ZNF354B: variants seen among roughly 807,000 people sequenced by gnomAD.
ZNF354B encodes the protein zinc finger protein 354B.
In ZNF354B, 10 loss-of-function variants were observed where a neutral mutation model predicts 12.9. The ratio of observed to expected loss-of-function variants is 0.77; its 90% CI spans 0.48 to 1.31. ZNF354B has a LOEUF of 1.31. ZNF354B is among the 40% of genes most tolerant of loss of function. ZNF354B has a pLI of 0.00. For missense variants in ZNF354B, 614 were observed against 711.7 expected, an observed-to-expected ratio of 0.86 and a Z score of 1.56; for synonymous variants, 260 against 243.7, an observed-to-expected ratio of 1.07 and a Z score of -0.62.
At chr5:178,869,502 T>C (rs1185092328) in intron 4 of ZNF354B, among the ~76,000 whole-genome samples, 2 of 152,058 alleles carry the variant, frequency 1.3e-5, no homozygotes, top group African/African-American at 4.8e-5. Flanking sequence ...CTGGCCATTA[T>C]GTGTGGGCCG....
rs751422049 is a variant in ZNF354B, at chr5:178,866,363, C to T, written c.153C>T (p.Val51=). ...DVMLENYRNL[V]SLGLSFTKPK... ...TGCTGGAGAACTATAGGAACCTGGT[C>T]TCACTGGGTAAGGAAATTTCCCCTC... Residue 51 remains valine, a synonymous_variant, in exon 3 of 5, where the codon GTC becomes GTT. Coordinates refer to ENST00000322434, the MANE Select transcript of ZNF354B (RefSeq NM_058230.3). 6 of 1,612,648 alleles carry T rather than the reference C, an allele frequency of 3.7e-6. No individual in the cohort carries two copies.
chr5:178,867,350 A>G (rs1459438969), intron 4 of ZNF354B, among the ~76,000 whole-genome samples: 2 of 152,236 alleles, frequency 1.3e-5, no homozygotes, highest in African/African-American at 2.4e-5. Context: ...AGGAACTTCA[A>G]ATAATCACTC....
rs372735406 is a variant in ZNF354B at position 178,866,926 on chromosome 5, G to C, written c.161-50G>C. 49 of 1,559,094 alleles carry C rather than the reference G, an allele frequency of 3.1e-5. 2 individuals carry two copies. The highest frequency in any genetic ancestry group is 3.3e-4 in the Middle Eastern group (2 of 5,974). On this transcript the variant is annotated intron_variant, in intron 3 of 4. Transcript: ENST00000322434. ...CCTAATAATCAAGGGATACTTTGTT[G>C]TGTCAAAACGAAGACTGAGACTTTT...
At chr5:178,865,109 G>T (rs115622094) in intron 2 of ZNF354B, among the ~76,000 whole-genome samples, 1 of 152,106 alleles carries the variant, frequency 6.6e-6, no homozygotes, top group Non-Finnish European at 1.5e-5. Flanking sequence ...ATGTGAGCCC[G>T]ATATGGTTTT....
At chr5:178,861,605 C>T (rs1757349201) in intron 2 of ZNF354B, among the ~76,000 whole-genome samples, 2 of 152,256 alleles carry the variant, frequency 1.3e-5, no homozygotes, top group Middle Eastern at 6.8e-3. Flanking sequence ...AATGAGGAGG[C>T]CACCCTTTCT....
rs190139419 is a variant in ZNF354B, at chr5:178,868,844, C to T, written c.256+1773C>T. On this transcript the variant is annotated intron_variant, in intron 4 of 4. Transcript: ENST00000322434. ...AAAATTAGCCGGGCATGGTGGCGGG[C>T]GCCTGTAGTCCCAGCTACTCGGGAG... 4.7e-3 allele frequency among the ~76,000 whole-genome samples: 710 copies of T among 151,998 alleles called. 5 individuals carry two copies. Among genetic ancestry groups the T allele is most frequent in the African/African-American group, 0.016 (671 of 41,450 alleles).
chr5:178,884,637 T>C lies in ZNF354B; in HGVS notation c.*346T>C, dbSNP rs1482302315. ...AAAACATTTGTATAAACTACTATTATATAAATATAAGCATATTTATTACAG... is the reference window on the plus strand; with the variant it reads ...AAAACATTTGTATAAACTACTATTACATAAATATAAGCATATTTATTACAG... On this transcript the variant is annotated 3_prime_UTR_variant, in exon 5 of 5. Transcript: ENST00000322434. 3 of 167,514 alleles carry C rather than the reference T, an allele frequency of 1.8e-5. No homozygotes were observed. The highest frequency in any genetic ancestry group is 3.8e-5 in the Non-Finnish European group (3 of 78,402). The allele number at this position is 167,514 out of a possible 1,614,324, so 10.4% of individuals were successfully genotyped here.
At chr5:178,863,825 A>C (rs1022520176) in intron 2 of ZNF354B, among the ~76,000 whole-genome samples, 1 of 152,186 alleles carries the variant, frequency 6.6e-6, no homozygotes, top group African/African-American at 2.4e-5. Context: ...GCCTAGACTA[A>C]TGTGCATATT....
chr5:178,861,702 A>G (rs1757351687), intron 2 of ZNF354B, among the ~76,000 whole-genome samples: 1 of 152,182 alleles, frequency 6.6e-6, no homozygotes, highest in South Asian at 2.1e-4. Flanking sequence ...GAAGGGTTTC[A>G]TGGGATAGCA....
chr5:178,883,751 T>C lies in ZNF354B; in HGVS notation c.1299T>C (p.Thr433=), dbSNP rs1333029984. 2 of 1,614,176 alleles carry C rather than the reference T, an allele frequency of 1.2e-6. No homozygotes were observed. The highest frequency in any genetic ancestry group is 4.5e-5 in the East Asian group (2 of 44,872). ...SRLNRHRIIH[T]GEKLYNCNEC... ...TTAATAGACACCGAATAATTCATAC[T>C]GGAGAGAAATTGTATAATTGTAATG... Residue 433 remains threonine (T), a synonymous_variant, in exon 5 of 5, where the codon ACT becomes ACC. Transcript: ENST00000322434.
intron 2 of ZNF354B, among the ~76,000 whole-genome samples, chr5:178,864,653 CACTT>C (rs1317238148): frequency 6.7e-6 from 1 of 149,772 alleles, no homozygotes; most frequent in African/African-American, 2.5e-5. Flanking sequence ...GAGGGAGTCT[CACTT>C]TATCACCAAG....
At chr5:178,876,883 A>AT (rs1480431772) in intron 4 of ZNF354B, among the ~76,000 whole-genome samples, 1 of 136,420 alleles carries the variant, frequency 7.3e-6, no homozygotes, top group Non-Finnish European at 1.6e-5. Context: ...TTTTCTATTT[A>AT]TTTTTTTCCA....
intron 4 of ZNF354B, among the ~76,000 whole-genome samples, chr5:178,871,010 CAA>C (rs1158679547): frequency 6.6e-6 from 1 of 152,178 alleles, no homozygotes; most frequent in Non-Finnish European, 1.5e-5. Context: ...TGTTTGCCAG[CAA>C]AGACTCGTAC....
intron 4 of ZNF354B, among the ~76,000 whole-genome samples, chr5:178,872,427 G>A (rs1757578664): frequency 6.6e-6 from 1 of 152,156 alleles, no homozygotes; most frequent in Non-Finnish European, 1.5e-5. Flanking sequence ...TGGCATTTAA[G>A]TATAATGCTG....
chr5:178,868,680 ATGGTGT>A (rs1376114520), intron 4 of ZNF354B, among the ~76,000 whole-genome samples: 1 of 152,138 alleles, frequency 6.6e-6, no homozygotes, highest in Non-Finnish European at 1.5e-5. Context: ...GGCCTAAAGA[ATGGTGT>A]TTGTGGCCGG....
intron 4 of ZNF354B, among the ~76,000 whole-genome samples, chr5:178,878,397 A>G (rs6877663): frequency 0.15 from 22,262 of 151,794 alleles, 1,990 homozygotes; most frequent in African/African-American, 0.25. Flanking sequence ...AAAAAAAAAA[A>G]AGTTACAGTT....
intron 2 of ZNF354B, among the ~76,000 whole-genome samples, chr5:178,864,439 T>C (rs1300444386): frequency 6.6e-6 from 1 of 152,156 alleles, no homozygotes; most frequent in Non-Finnish European, 1.5e-5. Flanking sequence ...ATTCCCATAA[T>C]GATGAAATGG....
chr5:178,876,275 C>G (rs75277017), intron 4 of ZNF354B, among the ~76,000 whole-genome samples: 4 of 152,198 alleles, frequency 2.6e-5, no homozygotes, highest in East Asian at 1.9e-4. Context: ...AATGGGGACC[C>G]GTGTGGGGAA....
chr5:178,876,275 C>CGT (rs1258988833), intron 4 of ZNF354B, among the ~76,000 whole-genome samples: 1 of 152,198 alleles, frequency 6.6e-6, no homozygotes, highest in Non-Finnish European at 1.5e-5. Flanking sequence ...AATGGGGACC[C>CGT]GTGTGGGGAA....
Sources: allele counts gnomAD v4.1 joint callset (sites outside exome capture counted in the v4.1 genomes callset), GRCh38; gene constraint gnomAD v4.1.1; transcripts MANE v1.5; gene names NCBI Gene and HGNC (gene_info 2026-07-23, HGNC 2026-07-21).